USP30: variants seen among roughly 807,000 people sequenced by gnomAD.
USP30 encodes the protein ubiquitin carboxyl-terminal hydrolase 30.
A neutral mutation model predicts 68.2 loss-of-function variants in USP30; 41 were observed. That is an observed-to-expected ratio of 0.60 (90% CI 0.47 to 0.78). USP30 has a LOEUF of 0.78. USP30 is among the 30% of genes least tolerant of loss of function. USP30 has a pLI of 0.00. For synonymous variants in USP30, 229 were observed against 253.7 expected (o/e 0.90, Z 0.93); for missense variants, 522 against 649.4 (o/e 0.80, Z 2.13).
intron 5 of USP30, 78 bp downstream of exon 5, chr12:109,071,788 T>C: frequency 7.6e-7 from 1 of 1,307,616 alleles, no homozygotes; most frequent in South Asian, 1.3e-5. Flanking sequence ...AGTGTAATCT[T>C]TGTACAACTT....
At chr12:109,030,489 A>T (rs1407365321) in intron 3 of USP30, among the ~76,000 whole-genome samples, 2 of 152,248 alleles carry the variant, frequency 1.3e-5, no homozygotes, top group Non-Finnish European at 2.9e-5. Flanking sequence ...TTTCATTTAT[A>T]CAAGATGAAT....
chr12:109,029,000 G>A (rs186323806), intron 3 of USP30, among the ~76,000 whole-genome samples: 1 of 152,184 alleles, frequency 6.6e-6, no homozygotes, highest in Admixed American at 6.5e-5. Context: ...TAATTAAAAT[G>A]TTGGCTTGTT....
chr12:109,032,874 A>G (rs1274465246), intron 3 of USP30, among the ~76,000 whole-genome samples: 1 of 152,214 alleles, frequency 6.6e-6, no homozygotes, highest in Non-Finnish European at 1.5e-5. Flanking sequence ...TTTATTTCAC[A>G]CCAGAGCAAT....
intron 3 of USP30, among the ~76,000 whole-genome samples, chr12:109,063,699 G>T (rs2041152784): frequency 6.6e-6 from 1 of 152,086 alleles, no homozygotes; most frequent in African/African-American, 2.4e-5. Flanking sequence ...CTCACCAACA[G>T]ATATTATTTT....
At chr12:109,052,143 G>A (rs575386379), upstream of USP30, among the ~76,000 whole-genome samples, 1 of 152,352 alleles carries the variant, frequency 6.6e-6, no homozygotes, top group East Asian at 1.9e-4. Flanking sequence ...TGGCACCCAA[G>A]TAAACAATAA....
At chr12:109,060,573 T>C (rs542101526) in intron 3 of USP30, among the ~76,000 whole-genome samples, 7 of 152,302 alleles carry the variant, frequency 4.6e-5, no homozygotes, top group Non-Finnish European at 8.8e-5. Context: ...CCAGCGTTCA[T>C]CTAATTTTAC....
intron 3 of USP30, among the ~76,000 whole-genome samples, chr12:109,061,684 G>A (rs1268445545): frequency 6.6e-6 from 1 of 151,826 alleles, no homozygotes; most frequent in African/African-American, 2.4e-5. Flanking sequence ...TGCTGGGATT[G>A]CGGACATGAG....
At chr12:109,084,927 T>C (rs201840576) in intron 11 of USP30, 26 bp from the exon 12 acceptor site, 112 of 1,531,624 alleles carry the variant, frequency 7.3e-5, no homozygotes, top group Admixed American at 2.0e-5. Flanking sequence ...CTAATTTTCA[T>C]TGACTCGGGC....
intron 1 of USP30, among the ~76,000 whole-genome samples, chr12:109,055,997 A>G (rs1236021297): frequency 6.6e-6 from 1 of 152,114 alleles, no homozygotes; most frequent in Non-Finnish European, 1.5e-5. Flanking sequence ...TGAGCCAAGC[A>G]GTGATCTGGG....
At chr12:109,067,306 A>C (rs766933568) in intron 3 of USP30, among the ~76,000 whole-genome samples, 1 of 150,892 alleles carries the variant, frequency 6.6e-6, no homozygotes, top group African/African-American at 2.4e-5. Flanking sequence ...TTTAGTGGAG[A>C]CGGAGTTTCA....
In USP30 at chr12:109,073,347, A is replaced by C. The variant is rs148824380; in HGVS notation, c.626-91A>C. ...TCAAGAATATTTTTTCTTAAGAGGT[A>C]GTTTCTACCACATGCTAGAAAGGAA... On this transcript the variant is annotated intron_variant, in intron 6 of 12. Coordinates refer to ENST00000257548, the MANE Select transcript of USP30 (RefSeq NM_032663.5). 29 of 844,614 alleles carry C rather than the reference A, an allele frequency of 3.4e-5. No homozygotes were observed. In the East Asian group the frequency reaches 7.4e-4, roughly 22 times the overall value. 52.3% of individuals were successfully genotyped at this position (844,614 alleles called of 1,614,324 possible). A position where few individuals can be genotyped will look rare whatever the true frequency, so the allele number is the denominator to read the frequency against.
chr12:109,052,458 T>C (rs913368609), upstream of USP30: 2 of 413,020 alleles, frequency 4.8e-6, no homozygotes, highest in Non-Finnish European at 8.5e-6. Context: ...CCGGGGCCTG[T>C]TGCTAAGGGA....
intron 3 of USP30, among the ~76,000 whole-genome samples, chr12:109,062,420 C>T (rs996817118): frequency 6.6e-6 from 1 of 150,730 alleles, no homozygotes; most frequent in African/African-American, 2.4e-5. Flanking sequence ...CTGCAAGCTC[C>T]ACCTCCTGGG....
intron 4 of USP30, among the ~76,000 whole-genome samples, chr12:109,071,089 G>A (rs910218071): frequency 1.3e-5 from 2 of 152,170 alleles, no homozygotes; most frequent in Non-Finnish European, 2.9e-5. Flanking sequence ...GATTCCTAGA[G>A]AGATAAAGAA....
At chr12:109,081,525 C>A in intron 8 of USP30, 132 bp downstream of exon 8, 1 of 887,632 alleles carries the variant, frequency 1.1e-6, no homozygotes, top group Non-Finnish European at 1.8e-6. Context: ...CCTCTCTTAA[C>A]TTTCATATGG....
At chr12:109,062,670 C>T (rs991064822) in intron 3 of USP30, among the ~76,000 whole-genome samples, 1 of 152,138 alleles carries the variant, frequency 6.6e-6, no homozygotes, top group Non-Finnish European at 1.5e-5. Flanking sequence ...AGTTTGTCTT[C>T]TGTGAATTGC....
intron 2 of USP30, among the ~76,000 whole-genome samples, chr12:109,026,496 G>A (rs550902771): frequency 8.6e-5 from 13 of 150,388 alleles, no homozygotes; most frequent in African/African-American, 3.2e-4. Flanking sequence ...CAGGGTCTCT[G>A]TCACTCAGGC....
intron 3 of USP30, among the ~76,000 whole-genome samples, chr12:109,036,261 C>G (rs996311972): frequency 3.3e-5 from 5 of 151,830 alleles, no homozygotes. Context: ...ACTGTTAGTG[C>G]CCTTTCATTT....
chr12:109,083,485 G>A (rs2041864154), intron 11 of USP30, among the ~76,000 whole-genome samples: 1 of 152,052 alleles, frequency 6.6e-6, no homozygotes, highest in South Asian at 2.1e-4. Flanking sequence ...AATGCCTTCT[G>A]TACTGAATTA....
Sources: allele counts gnomAD v4.1 joint callset (sites outside exome capture counted in the v4.1 genomes callset), GRCh38; gene constraint gnomAD v4.1.1; transcripts MANE v1.5; gene names NCBI Gene and HGNC (gene_info 2026-07-23, HGNC 2026-07-21).